Variants in ADGRB3 observed in about 807,000 individuals in gnomAD.
ADGRB3 encodes the protein adhesion G protein-coupled receptor B3, also known as brain-specific angiogenesis inhibitor 3.
ADGRB3 carries 37 observed loss-of-function variants against 193.4 expected under a neutral mutation model. That is an observed-to-expected ratio of 0.19 (90% CI 0.15 to 0.25). The LOEUF (loss-of-function observed/expected upper bound fraction) is 0.25, where lower values mean the gene tolerates loss of function less well. Ranked by LOEUF, ADGRB3 falls within the 10% of genes least tolerant of loss-of-function variation. ADGRB3 has a pLI of 1.00. For missense variants in ADGRB3, 1,637 were observed against 1,852.9 expected, an observed-to-expected ratio of 0.88 and a Z score of 2.14; for synonymous variants, 690 against 644.2, an observed-to-expected ratio of 1.07 and a Z score of -1.08.
intron 3 of ADGRB3, among the ~76,000 whole-genome samples, chr6:68,810,598 G>T (rs1186109291): frequency 6.6e-6 from 1 of 152,158 alleles, no homozygotes; most frequent in Non-Finnish European, 1.5e-5. Context: ...TTGAGAAGTG[G>T]TTTGAGGTAG....
At chr6:69,006,034 T>A (rs1769739597) in intron 11 of ADGRB3, among the ~76,000 whole-genome samples, 1 of 152,158 alleles carries the variant, frequency 6.6e-6, no homozygotes, top group Non-Finnish European at 1.5e-5. Flanking sequence ...TGGTCTTGCT[T>A]GATTAGGAGT....
At chr6:69,021,648 G>A (rs1425548464) in intron 13 of ADGRB3, among the ~76,000 whole-genome samples, 1 of 151,810 alleles carries the variant, frequency 6.6e-6, no homozygotes, top group Admixed American at 6.6e-5. Context: ...TAAGACTTAG[G>A]ACGATAATTT....
chr6:68,973,433 C>T (rs891496175), intron 8 of ADGRB3, among the ~76,000 whole-genome samples: 3 of 152,124 alleles, frequency 2.0e-5, no homozygotes, highest in African/African-American at 7.2e-5. Context: ...TATTCTTCCC[C>T]TACTGATAAC....
intron 17 of ADGRB3, among the ~76,000 whole-genome samples, chr6:69,184,857 C>T (rs79494326): frequency 9.9e-4 from 151 of 152,052 alleles, no homozygotes; most frequent in African/African-American, 3.4e-3. Context: ...ACTTACTTGC[C>T]GATTACTTGA....
At chr6:69,060,220 T>TCTCTCTCTCTCTCTCTCTCTC (rs1771697794) in intron 15 of ADGRB3, among the ~76,000 whole-genome samples, 4 of 129,626 alleles carry the variant, frequency 3.1e-5, no homozygotes, top group African/African-American at 6.2e-5. Context: ...CTCTCTCTCT[T>TCTCTCTCTCTCTCTCTCTCTC]TCTCTCTCTC....
chr6:68,884,681 A>T (rs1765854859), intron 3 of ADGRB3, among the ~76,000 whole-genome samples: 1 of 152,088 alleles, frequency 6.6e-6, no homozygotes, highest in Admixed American at 6.6e-5. Flanking sequence ...TGGCAGTGAA[A>T]GAGATAGAGA....
intron 18 of ADGRB3, 25 bp downstream of exon 18, chr6:69,233,441 C>T (rs1561961178): frequency 6.2e-7 from 1 of 1,613,246 alleles, no homozygotes; most frequent in East Asian, 2.2e-5. Context: ...GAAAACACGG[C>T]TTTAACGCAA....
At chr6:68,701,630 A>T (rs532029605) in intron 3 of ADGRB3, among the ~76,000 whole-genome samples, 1 of 152,220 alleles carries the variant, frequency 6.6e-6, no homozygotes, top group Non-Finnish European at 1.5e-5. Flanking sequence ...CTTCTTGAAA[A>T]CTTGCTTCTT....
chr6:69,103,221 G>A (rs1228834303), intron 17 of ADGRB3, among the ~76,000 whole-genome samples: 1 of 152,124 alleles, frequency 6.6e-6, no homozygotes, highest in African/African-American at 2.4e-5. Context: ...GAGTCCAAAT[G>A]TTTCTGGTGT....
At chr6:69,131,776 AG>A (rs996626878) in intron 17 of ADGRB3, among the ~76,000 whole-genome samples, 15 of 140,430 alleles carry the variant, frequency 1.1e-4, no homozygotes, top group Middle Eastern at 7.0e-3. Context: ...TCCCTCCCCT[AG>A]CCCCCCACCC....
intron 3 of ADGRB3, among the ~76,000 whole-genome samples, chr6:68,852,616 C>T (rs1322784192): frequency 1.3e-5 from 2 of 151,952 alleles, no homozygotes; most frequent in Non-Finnish European, 2.9e-5. Flanking sequence ...AAAAAAAGCT[C>T]CACCATTTGT....
intron 3 of ADGRB3, among the ~76,000 whole-genome samples, chr6:68,790,696 A>G (rs1582204877): frequency 6.6e-6 from 1 of 152,218 alleles, no homozygotes; most frequent in East Asian, 1.9e-4. Flanking sequence ...GTGGACCTCT[A>G]GCAAACTCCA....
intron 29 of ADGRB3, among the ~76,000 whole-genome samples, chr6:69,365,425 C>A (rs2127335532): frequency 6.6e-6 from 1 of 152,150 alleles, no homozygotes; most frequent in Admixed American, 6.6e-5. Context: ...AGGAGGTACA[C>A]TGACCTCTTC....
chr6:69,144,876 G>GTTCTTTTTTCT (rs1554156159), intron 17 of ADGRB3, among the ~76,000 whole-genome samples: 1 of 139,336 alleles, frequency 7.2e-6, no homozygotes, highest in Non-Finnish European at 1.5e-5. Flanking sequence ...TTGTTTGAGT[G>GTTCTTTTTTCT]TTCTTTCTTT....
intron 3 of ADGRB3, among the ~76,000 whole-genome samples, chr6:68,744,819 T>C (rs749032780): frequency 3.1e-4 from 47 of 152,102 alleles, no homozygotes; most frequent in Middle Eastern, 6.3e-3. Context: ...CAAACCACCA[T>C]GGCACGTGTA....
intron 10 of ADGRB3, among the ~76,000 whole-genome samples, chr6:68,978,460 T>TA (rs768649056): frequency 1.4e-4 from 21 of 151,554 alleles, no homozygotes; most frequent in Non-Finnish European, 2.8e-4. Flanking sequence ...CATGCATACA[T>TA]ACACAAATCT....
At chr6:69,359,014 A>G (rs1311797149) in intron 28 of ADGRB3, among the ~76,000 whole-genome samples, 4 of 151,826 alleles carry the variant, frequency 2.6e-5, no homozygotes, top group African/African-American at 4.8e-5. Context: ...CATTTGTGCA[A>G]AACTTAATGT....
rs753578195 is a variant in ADGRB3 at position 69,062,985 on chromosome 6, A to C, written c.2385A>C (p.Glu795Asp). ...TCATCGTGGTCACAATAAGGCCTGA[A>C]CCCAAAACAACCGATTCGTTTCTGG... ...SKIIVVTIRP[E>D]PKTTDSFLEI... The change falls in exon 16 of 32, where the codon GAA (glutamate) becomes GAC (aspartate). Residue 795 changes from glutamate (E) to aspartate (D), a missense_variant. Physicochemically the swap from Glu to Asp is conservative, Grantham distance 45 (BLOSUM62 2). Transcript: ENST00000370598. 4 of 1,612,234 alleles carry C rather than the reference A, an allele frequency of 2.5e-6. No individual in the cohort carries two copies. Among genetic ancestry groups the C allele is most frequent in the Non-Finnish European group, 3.4e-6 (4 of 1,178,922 alleles).
chr6:69,040,371 TTCTTTCCTTCTCTC>T (rs1235532030), intron 13 of ADGRB3, among the ~76,000 whole-genome samples: 1,460 of 53,820 alleles, frequency 0.027, 51 homozygotes, highest in East Asian at 0.16. Flanking sequence ...CTTTCTTTCT[TTCTTTCCTTCTCTC>T]TCTTTCTTTC....
Sources: gnomAD v4.1 joint callset for allele counts (sites outside exome capture counted in the v4.1 genomes callset) on GRCh38, gnomAD v4.1.1 for gene constraint, MANE v1.5 for transcripts, NCBI Gene and HGNC (gene_info 2026-07-23, HGNC 2026-07-21) for gene names.